The following NACC2 variants were observed in gnomAD, a reference collection of about 807,000 sequenced individuals.
NACC2 encodes the protein nucleus accumbens-associated protein 2.
Under a neutral mutation model 25.1 loss-of-function variants are expected in NACC2, and 8 were observed. That is an observed-to-expected ratio of 0.32 (90% CI 0.19 to 0.57). The LOEUF (loss-of-function observed/expected upper bound fraction) is 0.57, where lower values mean the gene tolerates loss of function less well. Ranked by LOEUF, NACC2 falls within the 20% of genes least tolerant of loss-of-function variation. The probability of loss-of-function intolerance (pLI) is 0.89; values close to 1 mark genes in which losing one functional copy is unlikely to be tolerated. For missense variants in NACC2, 644 were observed against 650.2 expected, an observed-to-expected ratio of 0.99 and a Z score of 0.10; for synonymous variants, 435 against 294.7, an observed-to-expected ratio of 1.48 and a Z score of -4.88.
In NACC2 at chr9:136,049,696, C is replaced by T; in HGVS notation, c.826G>A (p.Asp276Asn). The T allele has an allele frequency of 2.6e-6, 2 of 779,354 alleles. No homozygotes were observed. The highest frequency in any genetic ancestry group is 1.3e-5 in the South Asian group (1 of 74,578). The allele number at this position is 779,354 out of a possible 1,614,324, so 48.3% of individuals were successfully genotyped here. ...CCGTACTGCTCCTCCACCATGGTGT[C>T]GTAGGCCTCGTCGTCCTCCTCGTCC... ...EEDEEDDEAY[D>N]TMVEEQYGQM... is the part of the protein sequence containing the mutation. Residue 276 changes from aspartate (D) to asparagine (N), a missense_variant, in exon 2 of 6, where the codon GAC (aspartate) becomes AAC (asparagine). Transcript: ENST00000277554.
intron 2 of NACC2, among the ~76,000 whole-genome samples, chr9:136,024,446 C>T (rs1486593709): frequency 2.4e-5 from 2 of 83,684 alleles, no homozygotes; most frequent in Non-Finnish European, 4.6e-5. Flanking sequence ...TGTGTGAGGA[C>T]AGAGGGTATG....
intron 1 of NACC2, among the ~76,000 whole-genome samples, chr9:136,064,741 C>T (rs1841060309): frequency 1.3e-5 from 2 of 152,116 alleles, no homozygotes; most frequent in South Asian, 4.1e-4. Context: ...TATGGAAACG[C>T]AAGGGACCCA....
In NACC2 at chr9:136,050,731, C is replaced by A. The variant is rs573602442; in HGVS notation, c.-59-151G>T. Among the ~76,000 whole-genome samples the A allele has an allele frequency of 3.3e-5, 5 of 152,206 alleles. No individual in the cohort carries two copies. In the South Asian group the frequency reaches 8.3e-4, roughly 25 times the overall value. ...CCCCGCCCCTCCTGGCTGGGACACT[C>A]CAGAGAAGGGACACGGGGTCTCCCA... On this transcript the variant is annotated intron_variant, in intron 1 of 5. Transcript: ENST00000277554.
intron 1 of NACC2, among the ~76,000 whole-genome samples, chr9:136,069,677 G>A (rs1048836233): frequency 4.6e-5 from 7 of 151,866 alleles, no homozygotes; most frequent in African/African-American, 1.5e-4. Context: ...AGCAAGGGTT[G>A]TTTTACTTCA....
In NACC2 at chr9:136,013,995, C is replaced by T; in HGVS notation, c.1052-26G>A. 1.3e-6 allele frequency: 2 copies of T among 1,512,784 alleles called. No homozygotes were observed. Among genetic ancestry groups the T allele is most frequent in the Middle Eastern group, 3.9e-4 (2 of 5,192 alleles). 93.7% of individuals were successfully genotyped at this position (1,512,784 alleles called of 1,614,324 possible). A position where few individuals can be genotyped will look rare whatever the true frequency, so the allele number is the denominator to read the frequency against. On this transcript the variant is annotated intron_variant, in intron 3 of 5. Transcript: ENST00000277554. This position sits in a 1 kb window ranked among gnomAD's most constrained non-coding sequence, Gnocchi z 6.6. ...CTGCAGCCACCAAACAGAAAAAGGG[C>T]TCGTGGCCTTCCCGGGCCATAGGGT...
intron 2 of NACC2, among the ~76,000 whole-genome samples, chr9:136,027,932 G>T (rs151173295): frequency 2.8e-4 from 43 of 152,204 alleles, no homozygotes; most frequent in African/African-American, 8.4e-4. Context: ...AAACTCTCTA[G>T]CAAGTCTGAA....
intron 2 of NACC2, among the ~76,000 whole-genome samples, chr9:136,024,884 G>A (rs1840364088): frequency 6.6e-6 from 1 of 152,216 alleles, no homozygotes; most frequent in Non-Finnish European, 1.5e-5. Flanking sequence ...CCTAAAGGCG[G>A]CAGTGGCTGA....
intron 1 of NACC2, among the ~76,000 whole-genome samples, chr9:136,077,168 AAAAC>A (rs1242848583): frequency 2.8e-5 from 3 of 108,004 alleles, no homozygotes; most frequent in Non-Finnish European, 6.0e-5. Context: ...GACAGAGAAA[AAAAC>A]AAACAAAAAT....
chr9:136,046,949 C>G (rs965078569), intron 2 of NACC2, among the ~76,000 whole-genome samples: 1 of 152,150 alleles, frequency 6.6e-6, no homozygotes, highest in Non-Finnish European at 1.5e-5. Flanking sequence ...GTTCTTAACG[C>G]GAGAGAGGGT....
rs1471370166 is a variant in NACC2 at position 136,019,635 on chromosome 9, CACG to C, written c.887-3209_887-3207del. ...CCACACAGGGAAGGTGCACCAGGGT[CACG>C]ACGAGAGGGCCCGGAGCAGCAGCCT... On this transcript the variant is annotated intron_variant, in intron 2 of 5. Coordinates refer to ENST00000277554, the MANE Select transcript of NACC2 (RefSeq NM_144653.5). This position sits in a 1 kb window ranked among gnomAD's most constrained non-coding sequence, Gnocchi z 5.2. Among the ~76,000 whole-genome samples the C allele has an allele frequency of 6.6e-6, 1 of 152,192 alleles. No individual in the cohort carries two copies. The highest frequency in any genetic ancestry group is 1.5e-5 in the Non-Finnish European group (1 of 68,026).
intron 2 of NACC2, among the ~76,000 whole-genome samples, chr9:136,035,319 G>C (rs1840535065): frequency 6.6e-6 from 1 of 151,834 alleles, no homozygotes; most frequent in Non-Finnish European, 1.5e-5. Context: ...GTGGTGTCAC[G>C]TGACTCCTGT....
At chr9:136,058,437 C>T (rs375649024) in intron 1 of NACC2, among the ~76,000 whole-genome samples, 4 of 152,234 alleles carry the variant, frequency 2.6e-5, no homozygotes, top group South Asian at 4.1e-4. Flanking sequence ...GAGGGGGCTC[C>T]GGAGGCTCCC....
intron 1 of NACC2, among the ~76,000 whole-genome samples, chr9:136,068,027 G>C (rs1210685385): frequency 6.6e-6 from 1 of 152,176 alleles, no homozygotes; most frequent in Non-Finnish European, 1.5e-5. Flanking sequence ...TAGGATAAAA[G>C]ATTAAAAATG....
Position 136,068,602 on chromosome 9 carries a change from C to A in NACC2, c.-59-18022G>T, listed in dbSNP as rs1841115211. On this transcript the variant is annotated intron_variant, in intron 1 of 5. Transcript: ENST00000277554. Reference sequence around the variant, plus strand: ...CTCTATGATAATCTCATGAGAGCAACACTGTATACGCTGTCCCCTGAACTG... The same window carrying A: ...CTCTATGATAATCTCATGAGAGCAAAACTGTATACGCTGTCCCCTGAACTG... Among the ~76,000 whole-genome samples, 2 of 151,214 alleles carry A rather than the reference C, an allele frequency of 1.3e-5. 1 individual carries two copies. Among genetic ancestry groups the A allele is most frequent in the African/African-American group, 4.9e-5 (2 of 40,814 alleles).
chr9:136,041,965 A>G (rs1840640009), intron 2 of NACC2, among the ~76,000 whole-genome samples: 1 of 152,202 alleles, frequency 6.6e-6, no homozygotes, highest in African/African-American at 2.4e-5. Flanking sequence ...AGAGATCAGC[A>G]AACAGCAAAG....
intron 1 of NACC2, among the ~76,000 whole-genome samples, chr9:136,054,409 G>A (rs1234991843): frequency 2.0e-5 from 3 of 152,198 alleles, no homozygotes; most frequent in Non-Finnish European, 4.4e-5. Context: ...GCCCCAGCCT[G>A]CTGAGAGCCG....
Position 136,006,552 on chromosome 9 carries a change from C to CT in NACC2, c.*4963dup. On this transcript the variant is annotated 3_prime_UTR_variant, in exon 6 of 6. Transcript: ENST00000277554. ...TCCAGGAAACTTAGGTTTGAACTGACTTTATTATTTTGTAAATGTGAATTT... is the reference window on the plus strand; with the variant it reads ...TCCAGGAAACTTAGGTTTGAACTGACTTTTATTATTTTGTAAATGTGAATTT... 1 of 152,358 alleles carries CT rather than the reference C, an allele frequency of 6.6e-6. No individual in the cohort carries two copies. Among genetic ancestry groups the CT allele is most frequent in the African/African-American group, 2.4e-5 (1 of 41,578 alleles). The allele number at this position is 152,358 out of a possible 1,614,324, so 9.4% of individuals were successfully genotyped here.
intron 2 of NACC2, among the ~76,000 whole-genome samples, chr9:136,028,519 G>A (rs1406191739): frequency 1.3e-5 from 2 of 152,126 alleles, no homozygotes; most frequent in Non-Finnish European, 2.9e-5. Flanking sequence ...GTGACTACAG[G>A]TGATGGCAGC....
intron 2 of NACC2, among the ~76,000 whole-genome samples, chr9:136,048,456 C>A (rs1235226277): frequency 6.6e-6 from 1 of 152,238 alleles, no homozygotes; most frequent in Non-Finnish European, 1.5e-5. Context: ...CAGGACAAAT[C>A]AAGCCCTACC....
Sources: allele counts gnomAD v4.1 joint callset (sites outside exome capture counted in the v4.1 genomes callset), GRCh38; gene constraint gnomAD v4.1.1; non-coding constraint Gnocchi (gnomAD v3.1); transcripts MANE v1.5; gene names NCBI Gene and HGNC (gene_info 2026-07-23, HGNC 2026-07-21).